The following RYR3 variants were observed in gnomAD, a reference collection of about 807,000 sequenced individuals.
The protein encoded by RYR3 is ryanodine receptor 3.
In RYR3, 207 loss-of-function variants were observed where a neutral mutation model predicts 584.3. The ratio of observed to expected loss-of-function variants is 0.35; its 90% confidence interval spans 0.32 to 0.40. The LOEUF (loss-of-function observed/expected upper bound fraction) is 0.40. RYR3 is among the 10% of genes least tolerant of loss of function. The pLI, the probability that RYR3 is intolerant of heterozygous loss-of-function variation, is 1.00. For synonymous variants in RYR3, 2,416 were observed against 2,248.5 expected (o/e 1.07, Z -2.11); for missense variants, 5,616 against 6,089.2 (o/e 0.92, Z 2.59).
chr15:33,668,367 A>G (rs577262651), intron 36 of RYR3, among the ~76,000 whole-genome samples: 2 of 152,142 alleles, frequency 1.3e-5, no homozygotes, highest in African/African-American at 2.4e-5. Flanking sequence ...TTAAAAGCTG[A>G]CCAAAAGCTG....
intron 1 of RYR3, among the ~76,000 whole-genome samples, chr15:33,437,712 A>C (rs1246750036): frequency 6.6e-6 from 1 of 152,130 alleles, no homozygotes; most frequent in Non-Finnish European, 1.5e-5. Context: ...CTCTTCTCTA[A>C]TACCACATTA....
rs531430654 is a variant in RYR3, at chr15:33,789,928, G to A, written c.9830+1470G>A. ...TGAGCTCAAGCAATCCGCCTGCCTCGGCTTCCCCAAACTGTTGGGATTACA... is the reference window on the plus strand; with the variant it reads ...TGAGCTCAAGCAATCCGCCTGCCTCAGCTTCCCCAAACTGTTGGGATTACA... On this transcript the variant is annotated intron_variant, in intron 67 of 103. Coordinates refer to ENST00000634891, the MANE Select transcript of RYR3 (RefSeq NM_001036.6). 1.3e-4 allele frequency among the ~76,000 whole-genome samples: 19 copies of A among 144,992 alleles called. No individual in the cohort carries two copies. The East Asian group carries it at 3.5e-3, about 27-fold the overall frequency.
intron 25 of RYR3, among the ~76,000 whole-genome samples, chr15:33,635,372 G>A (rs1219824875): frequency 6.6e-6 from 1 of 152,188 alleles, no homozygotes; most frequent in Non-Finnish European, 1.5e-5. Flanking sequence ...ATTATTGTGA[G>A]GGAAAACTGA....
At chr15:33,325,011 G>T (rs1033567754) in intron 1 of RYR3, among the ~76,000 whole-genome samples, 6 of 152,264 alleles carry the variant, frequency 3.9e-5, no homozygotes, top group African/African-American at 1.2e-4. Context: ...GATATTTCTA[G>T]ATTCTTCTAA....
At chr15:33,481,499 G>A (rs1354889901) in intron 2 of RYR3, among the ~76,000 whole-genome samples, 1 of 148,716 alleles carries the variant, frequency 6.7e-6, no homozygotes, top group Non-Finnish European at 1.5e-5. Context: ...GGGTTTTTTT[G>A]AGACAGAGTC....
chr15:33,767,746 C>T (rs1433629695), intron 60 of RYR3, among the ~76,000 whole-genome samples: 1 of 152,164 alleles, frequency 6.6e-6, no homozygotes, highest in Non-Finnish European at 1.5e-5. Flanking sequence ...TATTCCACTG[C>T]TTTCTGAAGC....
At chr15:33,539,526 C>A in intron 6 of RYR3, 64 bp downstream of exon 6, 1 of 949,962 alleles carries the variant, frequency 1.1e-6, no homozygotes, top group Non-Finnish European at 1.7e-6. Flanking sequence ...AATAGATGGC[C>A]ATGAAGAACT....
At chr15:33,697,718 G>C (rs1241625430) in intron 39 of RYR3, among the ~76,000 whole-genome samples, 164 bp from the exon 40 acceptor site, 1 of 152,092 alleles carries the variant, frequency 6.6e-6, no homozygotes, top group Non-Finnish European at 1.5e-5. Flanking sequence ...AGCTAAAATG[G>C]CCCTCCACAT....
chr15:33,621,764 A>T lies in RYR3; in HGVS notation c.2358-2043A>T, dbSNP rs139400932. 8.7e-4 allele frequency among the ~76,000 whole-genome samples: 133 copies of T among 152,228 alleles called. 3 individuals carry two copies. The Middle Eastern group carries it at 0.017, about 19-fold the overall frequency. On this transcript the variant is annotated intron_variant, in intron 19 of 103. Coordinates refer to ENST00000634891, the MANE Select transcript of RYR3 (RefSeq NM_001036.6). ...GTGTCTGCTCTTATTGGGAAGGAAA[A>T]AAACCTTAGCACCTCTTTACTTAAA...
intron 1 of RYR3, among the ~76,000 whole-genome samples, chr15:33,410,994 T>C (rs902925283): frequency 1.3e-5 from 2 of 152,190 alleles, no homozygotes; most frequent in African/African-American, 4.8e-5. Context: ...ATGAGAACAG[T>C]ATGGGGGAAA....
At chr15:33,633,258 A>T (rs759689042) in intron 24 of RYR3, 150 bp downstream of exon 24, 158 of 753,334 alleles carry the variant, frequency 2.1e-4, no homozygotes, top group Non-Finnish European at 3.0e-4. Flanking sequence ...TTATGGAATC[A>T]TGGGGCTGGA....
At chr15:33,862,005 A>G (rs1298121634) in intron 102 of RYR3, among the ~76,000 whole-genome samples, 2 of 152,196 alleles carry the variant, frequency 1.3e-5, no homozygotes, top group Non-Finnish European at 2.9e-5. Context: ...TCTACGGTAA[A>G]GCATTCACTG....
At position 33,810,558 on chromosome 15, in the gene RYR3, C is replaced by T; in HGVS notation, c.10106C>T (p.Ala3369Val). The T allele has an allele frequency of 6.2e-7, 1 of 1,614,028 alleles. No individual in the cohort carries two copies. Among genetic ancestry groups the T allele is most frequent in the Non-Finnish European group, 8.5e-7 (1 of 1,179,890 alleles). The change falls in exon 71 of 104, where the codon GCT (alanine) becomes GTT (valine). Residue 3369 changes from alanine to valine, a missense_variant. Physicochemically the swap from Ala to Val is moderately conservative, Grantham distance 64. Around this residue, in one of 9 missense-constraint regions of RYR3, gnomAD observed 954 missense variants for 1,132.2 expected, o/e 0.84. Transcript: ENST00000634891. ...LYSIQTSLIV[A>V]ALKKMLPIGL... ...TCCATCCAGACCTCCCTCATCGTGGCTGCACTCAAGAAAATGCTGCCCATT... is the reference window on the plus strand; with the variant it reads ...TCCATCCAGACCTCCCTCATCGTGGTTGCACTCAAGAAAATGCTGCCCATT...
At chr15:33,833,766 G>A (rs1489292020) in intron 86 of RYR3, among the ~76,000 whole-genome samples, 1 of 152,194 alleles carries the variant, frequency 6.6e-6, no homozygotes, top group Non-Finnish European at 1.5e-5. Context: ...TACATAAACA[G>A]TGATTTTTAA....
At chr15:33,583,760 A>G (rs1025546051) in intron 14 of RYR3, among the ~76,000 whole-genome samples, 4 of 152,184 alleles carry the variant, frequency 2.6e-5, no homozygotes, top group African/African-American at 9.7e-5. Context: ...ATCTCAATAA[A>G]AAATATTTAC....
At chr15:33,568,507 C>T (rs891062355) in intron 12 of RYR3, among the ~76,000 whole-genome samples, 6 of 151,790 alleles carry the variant, frequency 4.0e-5, no homozygotes, top group African/African-American at 1.2e-4. Context: ...GGTCTCACTG[C>T]GGCCTTTCTG....
chr15:33,410,279 T>C (rs1013115429), intron 1 of RYR3, among the ~76,000 whole-genome samples: 7 of 152,182 alleles, frequency 4.6e-5, no homozygotes, highest in Non-Finnish European at 8.8e-5. Flanking sequence ...TTTAAATAAC[T>C]GAACAGGAGC....
intron 51 of RYR3, among the ~76,000 whole-genome samples, chr15:33,740,761 C>T (rs1188151553): frequency 2.0e-5 from 3 of 152,222 alleles, no homozygotes; most frequent in Admixed American, 6.5e-5. Context: ...GCCCCTTGGA[C>T]CTGTCCTTCA....
intron 38 of RYR3, among the ~76,000 whole-genome samples, chr15:33,692,224 C>A (rs1441365899): frequency 6.6e-6 from 1 of 152,170 alleles, no homozygotes; most frequent in Non-Finnish European, 1.5e-5. Context: ...TGCTGATGCA[C>A]GGGAGCTAAT....
Sources: allele counts gnomAD v4.1 joint callset (sites outside exome capture counted in the v4.1 genomes callset), GRCh38; gene constraint gnomAD v4.1.1; regional missense constraint gnomAD v4.1.1; transcripts MANE v1.5; gene names NCBI Gene and HGNC (gene_info 2026-07-23, HGNC 2026-07-21).